The following SDHA variants were observed in gnomAD, a reference collection of about 807,000 sequenced individuals.
SDHA encodes succinate dehydrogenase [ubiquinone] flavoprotein subunit, mitochondrial.
A neutral mutation model predicts 78.4 loss-of-function variants in SDHA; 48 were observed. That is an observed-to-expected ratio of 0.61 (90% confidence interval 0.49 to 0.78). SDHA has a LOEUF of 0.78. Among genes scored for constraint, SDHA ranks in the 30% least tolerant of loss-of-function variants. The pLI is 0.00. For missense variants in SDHA, 680 were observed against 892.7 expected (o/e 0.76, Z 3.04); for synonymous variants, 326 against 353.9 (o/e 0.92, Z 0.88).
At chr5:242,298 G>T (rs1474772371) in intron 11 of SDHA, among the ~76,000 whole-genome samples, 3 of 152,206 alleles carry the variant, frequency 2.0e-5, no homozygotes, top group Non-Finnish European at 4.4e-5. Context: ...CTAGAAGGCT[G>T]TTGGTTTACC....
chr5:225,528 A>G lies in SDHA; in HGVS notation c.422A>G (p.Tyr141Cys), dbSNP rs1377816261. 4 of 1,613,718 alleles carry G rather than the reference A, an allele frequency of 2.5e-6. No individual in the cohort carries two copies. The highest frequency in any genetic ancestry group is 3.4e-6 in the Non-Finnish European group (4 of 1,179,810). ...CTGGGGGACCAGGATGCCATCCACT[A>G]CATGACGGAGCAGGCCCCCGCCGCC... ...DWLGDQDAIHYMTEQAPAAVV... is the reference protein window; with the variant it reads ...DWLGDQDAIHCMTEQAPAAVV... Residue 141 changes from tyrosine to cysteine, a missense_variant, in exon 4 of 15, where the codon TAC becomes TGC. By Grantham distance (194) the Tyr-to-Cys change is radical. Coordinates refer to ENST00000264932, the MANE Select transcript of SDHA (RefSeq NM_004168.4).
chr5:265,751 C>T, the SDHA span, among the ~76,000 whole-genome samples: 1 of 151,402 alleles, frequency 6.6e-6, no homozygotes, highest in Admixed American at 6.6e-5. Flanking sequence ...ACCCGGGAGG[C>T]GGAGGTTGCA....
Position 251,454 on chromosome 5 carries a change from A to C in SDHA, c.1780A>C (p.Arg594=). Residue 594 remains arginine (R), a synonymous_variant, in exon 13 of 15, where the codon AGG becomes CGG. Coordinates refer to ENST00000264932, the MANE Select transcript of SDHA (RefSeq NM_004168.4). Reference sequence around the variant, plus strand: ...GAAGGAGTCACGGGGCGCGCATGCCAGGGAAGACTACAAGGTGGGCCTTCT... The same window carrying C: ...GAAGGAGTCACGGGGCGCGCATGCCCGGGAAGACTACAAGGTGGGCCTTCT... ...ARKESRGAHA[R]EDYKVRIDEY... 6.2e-7 allele frequency: 1 copy of C among 1,614,000 alleles called. No homozygotes were observed. Among genetic ancestry groups the C allele is most frequent in the South Asian group, 1.1e-5 (1 of 91,076 alleles).
At chr5:238,388 A>G (rs1735913170) in intron 10 of SDHA, among the ~76,000 whole-genome samples, 1 of 151,952 alleles carries the variant, frequency 6.6e-6, no homozygotes, top group African/African-American at 2.4e-5. Context: ...TTGTAGCATC[A>G]CTATTCTCCC....
At chr5:231,048 T>G in intron 7 of SDHA, 48 bp downstream of exon 7, 1 of 1,608,082 alleles carries the variant, frequency 6.2e-7, no homozygotes, top group East Asian at 2.2e-5. Context: ...GTGTGTGTCT[T>G]GTAAGCATGT....
chr5:228,287 G>T lies in SDHA; in HGVS notation c.724G>T (p.Gly242Trp), dbSNP rs764534044. Residue 242 changes from glycine (G) to tryptophan (W), a missense_variant, in exon 6 of 15, where the codon GGG (glycine) becomes TGG (tryptophan). Transcript: ENST00000264932. ...RGVIALCIED[G>W]SIHRIRAKNT... ...TGTCATCGCACTGTGCATAGAGGACGGGTCCATCCATCGCATAAGAGCAAA... is the reference window on the plus strand; with the variant it reads ...TGTCATCGCACTGTGCATAGAGGACTGGTCCATCCATCGCATAAGAGCAAA... The T allele has an allele frequency of 3.7e-6, 6 of 1,613,888 alleles. No homozygotes were observed. The South Asian group carries it at 5.5e-5, about 15-fold the overall frequency.
Position 225,882 on chromosome 5 carries a change from G to A in SDHA, c.457-1G>A. On this transcript the variant is annotated splice_acceptor_variant, in intron 4 of 14. Transcript: ENST00000264932. LOFTEE classifies it high-confidence loss of function. ...TTTTTGTTTGTTTTTATCTTTCACA[G>A]CTAGAAAATTATGGCATGCCGTTTA... 1.2e-6 allele frequency: 2 copies of A among 1,612,612 alleles called. No homozygotes were observed. The highest frequency in any genetic ancestry group is 1.7e-6 in the Non-Finnish European group (2 of 1,179,880).
chr5:251,129 C>T (rs1245400594), intron 12 of SDHA, 26 bp downstream of exon 12: 1 of 1,602,726 alleles, frequency 6.2e-7, no homozygotes, highest in East Asian at 2.2e-5. Flanking sequence ...GCTCTGTGCA[C>T]ACTGTTGGGC....
the SDHA span, among the ~76,000 whole-genome samples, chr5:262,812 G>T: frequency 6.6e-6 from 1 of 152,174 alleles, no homozygotes; most frequent in Non-Finnish European, 1.5e-5. Flanking sequence ...AAAAGTAATT[G>T]CAGTTTTTGC....
At position 256,534 on chromosome 5, in the gene SDHA, G is replaced by A. The variant is rs1737207850; in HGVS notation, c.*114G>A. 2.1e-6 allele frequency: 2 copies of A among 963,954 alleles called. No homozygotes were observed. Among genetic ancestry groups the A allele is most frequent in the South Asian group, 1.3e-5 (1 of 74,340 alleles). The allele number at this position is 963,954 out of a possible 1,614,324, so 59.7% of individuals were successfully genotyped here. On this transcript the variant is annotated 3_prime_UTR_variant, in exon 15 of 15. Transcript: ENST00000264932. Reference sequence around the variant, plus strand: ...GCTTCTGCACTCTGGGGAAGAAGGAGTACATTGAAGGGAGATTGGCACCTA... The same window carrying A: ...GCTTCTGCACTCTGGGGAAGAAGGAATACATTGAAGGGAGATTGGCACCTA...
At chr5:268,330 C>G in the SDHA span, among the ~76,000 whole-genome samples, 2 of 152,020 alleles carry the variant, frequency 1.3e-5, no homozygotes, top group Non-Finnish European at 2.9e-5. Context: ...TTACAGGCAC[C>G]TGCCACCACG....
At position 256,361 on chromosome 5, in the gene SDHA, G is replaced by C; in HGVS notation, c.1936G>C (p.Asp646His). The change falls in exon 15 of 15, where the codon GAC (aspartate) becomes CAC (histidine). Residue 646 changes from aspartate (D) to histidine (H), a missense_variant. Coordinates refer to ENST00000264932, the MANE Select transcript of SDHA (RefSeq NM_004168.4). The stretch of plus-strand genomic sequence containing the variant: ...CACTCTGGAATATAGACCCGTGATC[G>C]ACAAAACTTTGAACGAGGCTGACTG... ...KVTLEYRPVI[D>H]KTLNEADCAT... 1 of 1,613,814 alleles carries C rather than the reference G, an allele frequency of 6.2e-7. No homozygotes were observed. The highest frequency in any genetic ancestry group is 8.5e-7 in the Non-Finnish European group (1 of 1,179,760).
chr5:265,661 A>G, the SDHA span, among the ~76,000 whole-genome samples: 1 of 152,176 alleles, frequency 6.6e-6, no homozygotes. Flanking sequence ...ATCTCTAAAA[A>G]TACAAAACAT....
the SDHA span, among the ~76,000 whole-genome samples, chr5:264,710 T>TA: frequency 2.6e-5 from 4 of 152,234 alleles, no homozygotes; most frequent in African/African-American, 9.6e-5. Flanking sequence ...CACAGCCTAT[T>TA]ACTTCGTGTG....
rs192085012 is a variant in SDHA at position 231,038 on chromosome 5, G to A, written c.895+38G>A. 3.1e-4 allele frequency: 493 copies of A among 1,612,366 alleles called. 3 individuals carry two copies. The East Asian group carries it at 0.011, about 35-fold the overall frequency. On this transcript the variant is annotated intron_variant, in intron 7 of 14. Coordinates refer to ENST00000264932, the MANE Select transcript of SDHA (RefSeq NM_004168.4). ...GCCTTGCCCGGCAGGTGTTTGGCTT[G>A]TGTGTGTCTTGTAAGCATGTGATGC... is the stretch of plus-strand genomic sequence containing the variant.
intron 5 of SDHA, 114 bp downstream of exon 5, chr5:226,161 CA>C (rs1355163875): frequency 1.0e-5 from 12 of 1,187,808 alleles, no homozygotes; most frequent in Non-Finnish European, 1.5e-5. Context: ...TAAAAAGCAA[CA>C]GAGAACAGCA....
chr5:245,220 A>C (rs1296069032), intron 11 of SDHA, among the ~76,000 whole-genome samples: 1 of 152,248 alleles, frequency 6.6e-6, no homozygotes, highest in African/African-American at 2.4e-5. Context: ...GGAGAATGTT[A>C]ACTGACTTAA....
chr5:233,410 A>T (rs1223801577), intron 7 of SDHA, 67 bp from the exon 8 acceptor site: 3 of 1,570,236 alleles, frequency 1.9e-6, no homozygotes, highest in Non-Finnish European at 2.6e-6. Flanking sequence ...ATGTCTTGAA[A>T]AAAATAATGC....
downstream of SDHA, among the ~76,000 whole-genome samples, chr5:257,847 T>G (rs411105): frequency 4.1e-5 from 1 of 24,574 alleles, no homozygotes; most frequent in Non-Finnish European, 1.0e-4. Context: ...AGAGCATTAC[T>G]GTGTGAGCTC....
Sources: allele counts gnomAD v4.1 joint callset (sites outside exome capture counted in the v4.1 genomes callset), GRCh38; gene constraint gnomAD v4.1.1; transcripts MANE v1.5; gene names NCBI Gene and HGNC (gene_info 2026-07-23, HGNC 2026-07-21).